ZNF12: variants seen among roughly 807,000 people sequenced by gnomAD.
The protein encoded by ZNF12 is zinc finger protein 12.
A neutral mutation model predicts 66.6 loss-of-function variants in ZNF12; 34 were observed. The ratio of observed to expected loss-of-function variants is 0.51; its 90% CI spans 0.39 to 0.68. The LOEUF (loss-of-function observed/expected upper bound fraction) is 0.68, where lower values mean the gene tolerates loss of function less well. Among genes scored for constraint, ZNF12 ranks in the 30% least tolerant of loss-of-function variants. The probability of loss-of-function intolerance (pLI) is 0.00; values close to 1 mark genes in which losing one functional copy is unlikely to be tolerated. For missense variants in ZNF12, 697 were observed against 826.9 expected, an observed-to-expected ratio of 0.84 and a Z score of 1.93; for synonymous variants, 320 against 278.9, an observed-to-expected ratio of 1.15 and a Z score of -1.47.
rs201747824 is a variant in ZNF12 at position 6,697,313 on chromosome 7, T to C, written c.238+26A>G. ...GGGAAAAACACTCCCAAGTTACCGA[T>C]CTCCTCACTGCCTCCACTAACACAC... On this transcript the variant is annotated intron_variant, in intron 4 of 4. Transcript: ENST00000405858. This position sits in a 1 kb window ranked among gnomAD's most constrained non-coding sequence, Gnocchi z 6.1. 326 of 1,561,796 alleles carry C rather than the reference T, an allele frequency of 2.1e-4. 2 individuals carry two copies. In the East Asian group the frequency reaches 5.9e-3, roughly 28 times the overall value.
rs560158944 is a variant in ZNF12 at position 6,691,752 on chromosome 7, T to C, written c.1190A>G (p.Asn397Ser). 1.9e-6 allele frequency: 3 copies of C among 1,613,896 alleles called. No homozygotes were observed. The South Asian group carries it at 3.3e-5, about 18-fold the overall frequency. Residue 397 changes from asparagine (N) to serine (S), a missense_variant, in exon 5 of 5, where the codon AAT becomes AGT. By Grantham distance (46) the Asn-to-Ser change is conservative (BLOSUM62 1). Coordinates refer to ENST00000405858, the MANE Select transcript of ZNF12 (RefSeq NM_016265.4). ...GKTFSQKSAL[N>S]DHQKIHTGVK... ...ACCTGTGTGAATTTTCTGATGGTCA[T>C]TAAGTGCTGACTTCTGCGAGAAGGT...
In ZNF12 at chr7:6,691,299, G is replaced by C; in HGVS notation, c.1643C>G (p.Pro548Arg). ...TTTTCCACATATATAGCATTCATAG[G>C]GCTTCTCTCCTTTGTGTATTCTCCG... ...RHRRIHKGEK[P>R]YECYICGKFF... The change falls in exon 5 of 5, where the codon CCC becomes CGC. Residue 548 changes from proline (P) to arginine (R), a missense_variant. This residue lies in a region of ZNF12 where 401 missense variants were observed against 519.0 expected (regional missense o/e 0.77). Transcript: ENST00000405858. 6.2e-7 allele frequency: 1 copy of C among 1,613,974 alleles called. No homozygotes were observed.
chr7:6,690,700 G>T lies in ZNF12; in HGVS notation c.*148C>A. ...TTGTTATAATCATGGTTTCCATTCT[G>T]TGAGTCTTCAGATTATGAGTCCAAC... On this transcript the variant is annotated 3_prime_UTR_variant, in exon 5 of 5. Coordinates refer to ENST00000405858, the MANE Select transcript of ZNF12 (RefSeq NM_016265.4). 1 of 765,936 alleles carries T rather than the reference G, an allele frequency of 1.3e-6. No homozygotes were observed. Among genetic ancestry groups the T allele is most frequent in the Non-Finnish European group, 2.0e-6 (1 of 495,794 alleles). 47.4% of individuals were successfully genotyped at this position (765,936 alleles called of 1,614,324 possible).
At position 6,692,212 on chromosome 7, in the gene ZNF12, T is replaced by C. The variant is rs373939300; in HGVS notation, c.730A>G (p.Asn244Asp). 8.1e-6 allele frequency: 13 copies of C among 1,613,896 alleles called. No homozygotes were observed. The highest frequency in any genetic ancestry group is 1.0e-5 in the Non-Finnish European group (12 of 1,179,890). Residue 244 changes from asparagine (N) to aspartate (D), a missense_variant, in exon 5 of 5, where the codon AAT becomes GAT. Asn to Asp is a conservative substitution (Grantham distance 23). Transcript: ENST00000405858. This position sits in a 1 kb window ranked among gnomAD's most constrained non-coding sequence, Gnocchi z 5.1. Reference sequence around the variant, plus strand: ...TGGAGAAAGGCTATTTCAGATCCATTCCACTTATAGGGCTTTTCTTCCATG... The same window carrying C: ...TGGAGAAAGGCTATTTCAGATCCATCCCACTTATAGGGCTTTTCTTCCATG... The part of the protein sequence containing the change: ...NHMEEKPYKW[N>D]GSEIAFLQMS...
Position 6,690,686 on chromosome 7 carries a change from A to G in ZNF12, c.*162T>C, listed in dbSNP as rs1583461941. The G allele has an allele frequency of 1.5e-6, 1 of 687,880 alleles. No homozygotes were observed. Among genetic ancestry groups the G allele is most frequent in the African/African-American group, 1.8e-5 (1 of 55,390 alleles). 42.6% of individuals were successfully genotyped at this position (687,880 alleles called of 1,614,324 possible). A position where few individuals can be genotyped will look rare whatever the true frequency, so the allele number is the denominator to read the frequency against. ...TATACCATGTGGTCTTGTTATAATCATGGTTTCCATTCTGTGAGTCTTCAG... is the reference window on the plus strand; with the variant it reads ...TATACCATGTGGTCTTGTTATAATCGTGGTTTCCATTCTGTGAGTCTTCAG... On this transcript the variant is annotated 3_prime_UTR_variant, in exon 5 of 5. Transcript: ENST00000405858.
Position 6,691,708 on chromosome 7 carries a change from T to G in ZNF12, c.1234A>C (p.Ser412Arg), listed in dbSNP as rs770688432. The G allele has an allele frequency of 6.2e-7, 1 of 1,613,956 alleles. No individual in the cohort carries two copies. Among genetic ancestry groups the G allele is most frequent in the Non-Finnish European group, 8.5e-7 (1 of 1,179,866 alleles). ...CGGCAGAAGCATTTCCCACATTCAC[T>G]ACACTTGTAGAGTTTCACACCTGTG... ...IHTGVKLYKC[S>R]ECGKCFCRKS... The change falls in exon 5 of 5, where the codon AGT becomes CGT. Residue 412 changes from serine (S) to arginine (R), a missense_variant. Transcript: ENST00000405858.
rs1282130948 is a variant in ZNF12, at chr7:6,691,757, T to A, written c.1185A>T (p.Ala395=). The A allele has an allele frequency of 1.2e-6, 2 of 1,613,894 alleles. No individual in the cohort carries two copies. Among genetic ancestry groups the A allele is most frequent in the Non-Finnish European group, 1.7e-6 (2 of 1,179,848 alleles). Residue 395 remains alanine (A), a synonymous_variant, in exon 5 of 5, where the codon GCA becomes GCT. Coordinates refer to ENST00000405858, the MANE Select transcript of ZNF12 (RefSeq NM_016265.4). ...DCGKTFSQKS[A]LNDHQKIHTG... ...TGTGAATTTTCTGATGGTCATTAAGTGCTGACTTCTGCGAGAAGGTTTTCC... is the reference window on the plus strand; with the variant it reads ...TGTGAATTTTCTGATGGTCATTAAGAGCTGACTTCTGCGAGAAGGTTTTCC...
Position 6,690,775 on chromosome 7 carries a change from G to A in ZNF12, c.*73C>T. ...CTGTGTGAACTCTCTGATGTACAAG[G>A]TGTTTGACTTCAGGCAGGAGTTTCT... On this transcript the variant is annotated 3_prime_UTR_variant, in exon 5 of 5. Coordinates refer to ENST00000405858, the MANE Select transcript of ZNF12 (RefSeq NM_016265.4). The A allele has an allele frequency of 5.7e-6, 8 of 1,403,978 alleles. No individual in the cohort carries two copies. The highest frequency in any genetic ancestry group is 2.5e-5 in the East Asian group (1 of 40,572). The allele number at this position is 1,403,978 out of a possible 1,614,324, so 87.0% of individuals were successfully genotyped here. A position where few individuals can be genotyped will look rare whatever the true frequency, so the allele number is the denominator to read the frequency against.
At chr7:6,706,361 T>G (rs149743149) in intron 1 of ZNF12, 71 bp downstream of exon 1, 256 of 454,334 alleles carry the variant, frequency 5.6e-4, no homozygotes, top group African/African-American at 4.8e-3. Context: ...TGTCCCTCAC[T>G]CTAAGGTGCC....
chr7:6,696,703 T>C lies in ZNF12; in HGVS notation c.238+636A>G, dbSNP rs150990971. Among the ~76,000 whole-genome samples, 676 of 152,200 alleles carry C rather than the reference T, an allele frequency of 4.4e-3. 5 individuals are homozygous for C. Among genetic ancestry groups the C allele is most frequent in the Non-Finnish European group, 6.3e-3 (431 of 68,018 alleles). On this transcript the variant is annotated intron_variant, in intron 4 of 4. Transcript: ENST00000405858. The surrounding 1 kb of genome is among the most constrained non-coding windows in gnomAD (Gnocchi z 4.0). ...CCATGACAGGGTATCATTCAAGGCA[T>C]TGGGAACAGAACAGAAAATAAGAAA...
chr7:6,690,247 T>C lies in ZNF12; in HGVS notation c.*601A>G, dbSNP rs1333533972. The C allele has an allele frequency of 3.3e-5, 5 of 152,142 alleles. No homozygotes were observed. The highest frequency in any genetic ancestry group is 5.9e-5 in the Non-Finnish European group (4 of 68,036). 9.4% of individuals were successfully genotyped at this position (152,142 alleles called of 1,614,324 possible). On this transcript the variant is annotated 3_prime_UTR_variant, in exon 5 of 5. Coordinates refer to ENST00000405858, the MANE Select transcript of ZNF12 (RefSeq NM_016265.4). ...TGAATTACAAAATAAGGATACAACG[T>C]TTTTTCAAACATGATTCGAAGTGAA...
rs1780046205 is a variant in ZNF12, at chr7:6,690,355, G to A, written c.*493C>T. On this transcript the variant is annotated 3_prime_UTR_variant, in exon 5 of 5. Transcript: ENST00000405858. ...TATGTTCTTTGGGAACTGCTTACAT[G>A]AGTTTAAGGTTACCGACTTAACTAG... 6.6e-6 allele frequency: 1 copy of A among 152,330 alleles called. No individual in the cohort carries two copies. The allele number at this position is 152,330 out of a possible 1,614,324, so 9.4% of individuals were successfully genotyped here.
At position 6,705,936 on chromosome 7, in the gene ZNF12, C is replaced by T. The variant is rs1356460791; in HGVS notation, c.-51+496G>A. On this transcript the variant is annotated intron_variant, in intron 1 of 4. Coordinates refer to ENST00000405858, the MANE Select transcript of ZNF12 (RefSeq NM_016265.4). This position sits in a 1 kb window ranked among gnomAD's most constrained non-coding sequence, Gnocchi z 4.0. Reference sequence around the variant, plus strand: ...AACTTACGCTCACTTAACTAGGATACGGGGGACAGAACACTGGCCTGGGAG... The same window carrying T: ...AACTTACGCTCACTTAACTAGGATATGGGGGACAGAACACTGGCCTGGGAG... 6.6e-6 allele frequency among the ~76,000 whole-genome samples: 1 copy of T among 152,186 alleles called. No homozygotes were observed. Among genetic ancestry groups the T allele is most frequent in the South Asian group, 2.1e-4 (1 of 4,828 alleles).
Position 6,692,712 on chromosome 7 carries a change from A to G in ZNF12, c.239-9T>C. The stretch of plus-strand genomic sequence containing the variant: ...AGTTTGCCAGACTTCATCTAAAGAG[A>G]GACAAAATTAATAAACTTTTGTACA... On this transcript the variant is annotated splice_polypyrimidine_tract_variant and intron_variant, in intron 4 of 4. Transcript: ENST00000405858. The surrounding 1 kb of genome is among the most constrained non-coding windows in gnomAD (Gnocchi z 5.1). 1 of 1,547,180 alleles carries G rather than the reference A, an allele frequency of 6.5e-7. No homozygotes were observed. Among genetic ancestry groups the G allele is most frequent in the East Asian group, 2.3e-5 (1 of 44,278 alleles).
intron 2 of ZNF12, among the ~76,000 whole-genome samples, chr7:6,704,510 C>T (rs1254425484): frequency 4.8e-5 from 7 of 145,464 alleles, no homozygotes; most frequent in African/African-American, 1.5e-4. Context: ...GGGTGGATCA[C>T]CTGAGCTCAG....
Position 6,705,038 on chromosome 7 carries a change from C to T in ZNF12, c.15+121G>A, listed in dbSNP as rs1780331179. On this transcript the variant is annotated intron_variant, in intron 2 of 4. Coordinates refer to ENST00000405858, the MANE Select transcript of ZNF12 (RefSeq NM_016265.4). This position sits in a 1 kb window ranked among gnomAD's most constrained non-coding sequence, Gnocchi z 4.0. Reference sequence around the variant, plus strand: ...AGGCTTGGTGCTGATGGCTACTGTTCTGTCTGACCAAATCTTGTATCTATT... The same window carrying T: ...AGGCTTGGTGCTGATGGCTACTGTTTTGTCTGACCAAATCTTGTATCTATT... 8.3e-7 allele frequency: 1 copy of T among 1,203,954 alleles called. No individual in the cohort carries two copies. The highest frequency in any genetic ancestry group is 2.7e-5 in the Admixed American group (1 of 37,306). 74.6% of individuals were successfully genotyped at this position (1,203,954 alleles called of 1,614,324 possible).
At position 6,706,488 on chromosome 7, in the gene ZNF12, G is replaced by T; in HGVS notation, c.-107C>A. 2.1e-6 allele frequency: 1 copy of T among 471,636 alleles called. No homozygotes were observed. Among genetic ancestry groups the T allele is most frequent in the Non-Finnish European group, 4.2e-6 (1 of 236,788 alleles). The allele number at this position is 471,636 out of a possible 1,614,324, so 29.2% of individuals were successfully genotyped here. A position where few individuals can be genotyped will look rare whatever the true frequency, so the allele number is the denominator to read the frequency against. On this transcript the variant is annotated 5_prime_UTR_variant, in exon 1 of 5. Coordinates refer to ENST00000405858, the MANE Select transcript of ZNF12 (RefSeq NM_016265.4). Reference sequence around the variant, plus strand: ...GCTCCCGACAGGCCGGGGCGGGATTGCTGTCGCGGGCGCGCGTCTGCTCGC... The same window carrying T: ...GCTCCCGACAGGCCGGGGCGGGATTTCTGTCGCGGGCGCGCGTCTGCTCGC...
chr7:6,697,350 T>C lies in ZNF12; in HGVS notation c.227A>G (p.Gln76Arg). ...PWIVEGEFLLQSYPDEVWQTD... is the reference protein window; with the variant it reads ...PWIVEGEFLLRSYPDEVWQTD... ...CTCCACTAACACACCTGGATAGCTC[T>C]GAAGTAGGAATTCTCCTTCTACTAT... The change falls in exon 4 of 5, where the codon CAG (glutamine) becomes CGG (arginine). Residue 76 changes from glutamine to arginine, a missense_variant. Around this residue, in one of 3 missense-constraint regions of ZNF12, gnomAD observed 241 missense variants for 224.0 expected, o/e 1.08. Coordinates refer to ENST00000405858, the MANE Select transcript of ZNF12 (RefSeq NM_016265.4). This position sits in a 1 kb window ranked among gnomAD's most constrained non-coding sequence, Gnocchi z 6.1. 6.2e-7 allele frequency: 1 copy of C among 1,608,658 alleles called. No homozygotes were observed. Among genetic ancestry groups the C allele is most frequent in the African/African-American group, 1.3e-5 (1 of 75,014 alleles).
rs1005734834 is a variant in ZNF12 at position 6,692,757 on chromosome 7, T to A, written c.239-54A>T. 13 of 1,470,594 alleles carry A rather than the reference T, an allele frequency of 8.8e-6. No individual in the cohort carries two copies. The African/African-American group carries it at 1.7e-4, about 19-fold the overall frequency. The allele number at this position is 1,470,594 out of a possible 1,614,324, so 91.1% of individuals were successfully genotyped here. ...TGTACATCTTCCTATATATATATGATATGGAATGAGATTCATGATTTGTAC... is the reference window on the plus strand; with the variant it reads ...TGTACATCTTCCTATATATATATGAAATGGAATGAGATTCATGATTTGTAC... On this transcript the variant is annotated intron_variant, in intron 4 of 4. Transcript: ENST00000405858. The surrounding 1 kb of genome is among the most constrained non-coding windows in gnomAD (Gnocchi z 5.1).
Sources: gnomAD v4.1 joint callset for allele counts (sites outside exome capture counted in the v4.1 genomes callset) on GRCh38, gnomAD v4.1.1 for gene constraint, gnomAD v4.1.1 regional missense constraint, Gnocchi (gnomAD v3.1) non-coding constraint, MANE v1.5 for transcripts, NCBI Gene and HGNC (gene_info 2026-07-23, HGNC 2026-07-21) for gene names.